The following CDK8 variants were observed in gnomAD, a reference collection of about 807,000 sequenced individuals.
The protein encoded by CDK8 is cyclin-dependent kinase 8.
In CDK8, 29 loss-of-function variants were observed where a neutral mutation model predicts 71.5. The ratio of observed to expected loss-of-function variants is 0.41; its 90% CI spans 0.30 to 0.55. CDK8 has a LOEUF of 0.55. Among genes scored for constraint, CDK8 ranks in the 20% least tolerant of loss-of-function variants. The pLI is 0.37. For synonymous variants in CDK8, 161 were observed against 192.1 expected (o/e 0.84, Z 1.34); for missense variants, 288 against 572.6 (o/e 0.50, Z 5.07).
At chr13:26,354,481 G>A (rs897156631) in intron 4 of CDK8, among the ~76,000 whole-genome samples, 2 of 152,062 alleles carry the variant, frequency 1.3e-5, no homozygotes, top group Admixed American at 1.3e-4. Context: ...TCTTGCACAG[G>A]GGTCCCCAAC....
chr13:26,293,932 C>T (rs1565960827), intron 1 of CDK8, among the ~76,000 whole-genome samples: 1 of 152,206 alleles, frequency 6.6e-6, no homozygotes, highest in East Asian at 1.9e-4. Context: ...CACTCCCCTC[C>T]TCCTCCAGCC....
chr13:26,360,739 G>A (rs1041972859), intron 4 of CDK8, among the ~76,000 whole-genome samples: 1 of 152,170 alleles, frequency 6.6e-6, no homozygotes, highest in African/African-American at 2.4e-5. Flanking sequence ...CAGAAACAAA[G>A]TGGCTTCCAA....
intron 3 of CDK8, among the ~76,000 whole-genome samples, chr13:26,350,581 G>C (rs1279613617): frequency 1.3e-5 from 2 of 152,102 alleles, no homozygotes; most frequent in Non-Finnish European, 2.9e-5. Flanking sequence ...TTGCACTGTT[G>C]CACTCCAGCC....
chr13:26,380,855 T>C (rs546291729), intron 4 of CDK8, among the ~76,000 whole-genome samples: 1 of 152,346 alleles, frequency 6.6e-6, no homozygotes, highest in Non-Finnish European at 1.5e-5. Flanking sequence ...TTTATACCTC[T>C]ATCGCTCTAC....
At chr13:26,393,654 C>A in intron 7 of CDK8, 144 bp downstream of exon 7, 2 of 790,400 alleles carry the variant, frequency 2.5e-6, no homozygotes, top group Non-Finnish European at 4.0e-6. Context: ...ATCAAAGATC[C>A]GTAGAAACAG....
chr13:26,304,210 G>A (rs1000679789), intron 1 of CDK8, among the ~76,000 whole-genome samples: 1 of 151,516 alleles, frequency 6.6e-6, no homozygotes, highest in Non-Finnish European at 1.5e-5. Context: ...GTTGCAGTGA[G>A]CCGAGATTGC....
intron 1 of CDK8, among the ~76,000 whole-genome samples, chr13:26,261,191 T>C (rs1439164163): frequency 6.6e-6 from 1 of 152,228 alleles, no homozygotes; most frequent in East Asian, 1.9e-4. Context: ...TTAATATAGT[T>C]ATTGTCAAAG....
At chr13:26,360,598 G>A (rs570916123) in intron 4 of CDK8, among the ~76,000 whole-genome samples, 3 of 152,198 alleles carry the variant, frequency 2.0e-5, no homozygotes, top group Admixed American at 2.0e-4. Context: ...TAATCTATTT[G>A]ATTATAAACT....
intron 2 of CDK8, among the ~76,000 whole-genome samples, chr13:26,344,754 A>G (rs934320392): frequency 2.0e-5 from 3 of 152,084 alleles, no homozygotes; most frequent in Non-Finnish European, 2.9e-5. Context: ...CTCAAAAAAA[A>G]AAAAAATTCT....
chr13:26,373,380 G>A (rs1874781407), intron 4 of CDK8, among the ~76,000 whole-genome samples: 1 of 152,006 alleles, frequency 6.6e-6, no homozygotes, highest in South Asian at 2.1e-4. Context: ...TGTGCTGTAT[G>A]AATGAAGGAA....
intron 1 of CDK8, among the ~76,000 whole-genome samples, chr13:26,329,105 C>T (rs1178409209): frequency 1.3e-5 from 2 of 152,122 alleles, no homozygotes; most frequent in Non-Finnish European, 2.9e-5. Flanking sequence ...TATCTTCAGT[C>T]TCAGTTTTTA....
chr13:26,287,285 A>G (rs80180476), intron 1 of CDK8, among the ~76,000 whole-genome samples: 2,387 of 152,338 alleles, frequency 0.016, 28 homozygotes, highest in Middle Eastern at 0.027. Context: ...TGTAGTGTCT[A>G]TATGTATATA....
chr13:26,264,351 T>G (rs1274046277), intron 1 of CDK8, among the ~76,000 whole-genome samples: 1 of 152,094 alleles, frequency 6.6e-6, no homozygotes, highest in Non-Finnish European at 1.5e-5. Context: ...TGTGGTGCAA[T>G]CATGGCTCAC....
At chr13:26,303,829 T>C (rs1363123925) in intron 1 of CDK8, among the ~76,000 whole-genome samples, 3 of 152,232 alleles carry the variant, frequency 2.0e-5, no homozygotes, top group African/African-American at 7.2e-5. Flanking sequence ...TAAAATGTTA[T>C]CATCATAAAC....
At chr13:26,326,819 G>A (rs7989724) in intron 1 of CDK8, among the ~76,000 whole-genome samples, 4,387 of 152,192 alleles carry the variant, frequency 0.029, 201 homozygotes, top group African/African-American at 0.099. Flanking sequence ...CCTAATCTAC[G>A]GCCATATACA....
chr13:26,264,886 C>T (rs139341141), intron 1 of CDK8, among the ~76,000 whole-genome samples: 4 of 152,246 alleles, frequency 2.6e-5, no homozygotes, highest in South Asian at 2.1e-4. Context: ...GTTCCATTCA[C>T]GTTGCTGCAA....
At chr13:26,327,588 G>A (rs753303950) in intron 1 of CDK8, among the ~76,000 whole-genome samples, 5 of 152,136 alleles carry the variant, frequency 3.3e-5, no homozygotes, top group Middle Eastern at 3.2e-3. Flanking sequence ...CGGAACTTTG[G>A]GAGGCTGAGG....
At chr13:26,318,074 T>C (rs1258588360) in intron 1 of CDK8, among the ~76,000 whole-genome samples, 4 of 151,764 alleles carry the variant, frequency 2.6e-5, no homozygotes, top group Non-Finnish European at 5.9e-5. Flanking sequence ...CTTAAGTTGA[T>C]AAAATTAGAA....
chr13:26,375,668 G>C (rs1874911095), intron 4 of CDK8, among the ~76,000 whole-genome samples: 1 of 152,164 alleles, frequency 6.6e-6, no homozygotes, highest in East Asian at 1.9e-4. Context: ...ACTTAAGCAG[G>C]CAAGCATATG....
Sources: allele counts gnomAD v4.1 joint callset (sites outside exome capture counted in the v4.1 genomes callset), GRCh38; gene constraint gnomAD v4.1.1; transcripts MANE v1.5; gene names NCBI Gene and HGNC (gene_info 2026-07-23, HGNC 2026-07-21).